ARMC9: variants seen among roughly 807,000 people sequenced by gnomAD.
ARMC9 encodes the protein armadillo repeat containing 9, also known as lisH domain-containing protein ARMC9.
ARMC9 carries 94 observed loss-of-function variants against 107.0 expected under a neutral mutation model. That is an observed-to-expected ratio of 0.88 (90% confidence interval 0.74 to 1.04). The LOEUF is 1.04. Among genes scored for constraint, ARMC9 ranks in the 50% least tolerant of loss-of-function variants. The pLI is 0.00. For missense variants in ARMC9, 942 were observed against 1,030.1 expected, an observed-to-expected ratio of 0.91 and a Z score of 1.17; for synonymous variants, 380 against 396.9, an observed-to-expected ratio of 0.96 and a Z score of 0.51.
At chr2:231,330,559 TG>T (rs1334441956) in intron 19 of ARMC9, among the ~76,000 whole-genome samples, 1 of 152,068 alleles carries the variant, frequency 6.6e-6, no homozygotes, top group East Asian at 1.9e-4. Flanking sequence ...CATTGTGGGG[TG>T]GGGGCCTCCT....
Position 231,276,773 on chromosome 2 carries a change from C to T in ARMC9, c.1472C>T (p.Thr491Ile). Residue 491 changes from threonine to isoleucine, a missense_variant and splice_region_variant, in exon 15 of 25, where the codon ACA becomes ATA. Transcript: ENST00000611582. ...ALLMNLCLRSTGKNMCAKVAG... is the reference protein window; with the variant it reads ...ALLMNLCLRSIGKNMCAKVAG... ...CTCATGAACCTCTGCCTCCGCAGCA[C>T]AGGTCTCAGCCCCGACCCTCATTCT... The T allele has an allele frequency of 1.2e-6, 2 of 1,614,068 alleles. No individual in the cohort carries two copies. Among genetic ancestry groups the T allele is most frequent in the Non-Finnish European group, 1.7e-6 (2 of 1,180,010 alleles).
At position 231,273,121 on chromosome 2, in the gene ARMC9, G is replaced by A. The variant is rs776656961; in HGVS notation, c.1334+43G>A. 7.6e-6 allele frequency: 12 copies of A among 1,581,244 alleles called. No homozygotes were observed. In the Admixed American group the frequency reaches 1.8e-4, roughly 24 times the overall value. ...GGTCACGGTGTCTCCTGTGAGATCA[G>A]ATTGAGTTAAAATTCCCATGGCAAC... On this transcript the variant is annotated intron_variant, in intron 14 of 24. Coordinates refer to ENST00000611582, the MANE Select transcript of ARMC9 (RefSeq NM_001352754.2).
chr2:231,235,526 T>C, intron 8 of ARMC9, 145 bp downstream of exon 8: 9 of 911,340 alleles, frequency 9.9e-6, no homozygotes, highest in Non-Finnish European at 1.4e-5. Context: ...AAAGCCAACA[T>C]GCATGAAGGA....
chr2:231,329,595 C>T (rs965092311), intron 19 of ARMC9, among the ~76,000 whole-genome samples: 1 of 152,250 alleles, frequency 6.6e-6, no homozygotes, highest in African/African-American at 2.4e-5. Context: ...AGGTGTGAGC[C>T]ACCGCGCCCG....
At chr2:231,337,108 T>A (rs2044144490) in intron 20 of ARMC9, among the ~76,000 whole-genome samples, 2 of 151,908 alleles carry the variant, frequency 1.3e-5, no homozygotes, top group South Asian at 4.2e-4. Context: ...TTCCAAATAT[T>A]ACTTTTCGGG....
At position 231,358,802 on chromosome 2, in the gene ARMC9, A is replaced by G. The variant is rs1004381331; in HGVS notation, c.2132-1952A>G. Reference sequence around the variant, plus strand: ...TAGGCAAAAGACAGCCCCAAATGCCAACAGGAAATAGTTCCCAAGGGAAAA... The same window carrying G: ...TAGGCAAAAGACAGCCCCAAATGCCGACAGGAAATAGTTCCCAAGGGAAAA... On this transcript the variant is annotated intron_variant, in intron 22 of 24. Coordinates refer to ENST00000611582, the MANE Select transcript of ARMC9 (RefSeq NM_001352754.2). This position sits in a 1 kb window ranked among gnomAD's most constrained non-coding sequence, Gnocchi z 4.5. Among the ~76,000 whole-genome samples, 12 of 152,220 alleles carry G rather than the reference A, an allele frequency of 7.9e-5. No individual in the cohort carries two copies. The highest frequency in any genetic ancestry group is 1.5e-5 in the Non-Finnish European group (1 of 68,046).
chr2:231,228,347 G>A (rs2034860278), intron 7 of ARMC9, among the ~76,000 whole-genome samples: 1 of 152,248 alleles, frequency 6.6e-6, no homozygotes, highest in Non-Finnish European at 1.5e-5. Context: ...CCCTCAGCGT[G>A]TCTCTCAGGT....
chr2:231,342,726 A>G (rs926589535), intron 20 of ARMC9, among the ~76,000 whole-genome samples: 3 of 152,050 alleles, frequency 2.0e-5, no homozygotes, highest in African/African-American at 7.2e-5. Flanking sequence ...TTGCAGTGAA[A>G]ATATCCTGCC....
intron 5 of ARMC9, among the ~76,000 whole-genome samples, chr2:231,217,865 G>C (rs552214743): frequency 6.6e-6 from 1 of 152,108 alleles, no homozygotes; most frequent in Non-Finnish European, 1.5e-5. Flanking sequence ...GCTAATTGTT[G>C]TATTTTTAGT....
intron 9 of ARMC9, among the ~76,000 whole-genome samples, chr2:231,247,872 A>C (rs571981616): frequency 1.3e-5 from 2 of 152,354 alleles, no homozygotes; most frequent in East Asian, 3.9e-4. Context: ...CAGAGGTTGC[A>C]GTGAACTGAG....
chr2:231,360,651 T>A lies in ARMC9; in HGVS notation c.2132-103T>A, dbSNP rs2045531647. On this transcript the variant is annotated intron_variant, in intron 22 of 24. Coordinates refer to ENST00000611582, the MANE Select transcript of ARMC9 (RefSeq NM_001352754.2). The surrounding 1 kb of genome is among the most constrained non-coding windows in gnomAD (Gnocchi z 4.7). ...GCCAGGGAGCCCGCAGGGCCTGGCC[T>A]GGGGTGCGTGCTTTTCTTGGCTTTC... 3 of 1,516,128 alleles carry A rather than the reference T, an allele frequency of 2.0e-6. No homozygotes were observed. The highest frequency in any genetic ancestry group is 2.7e-6 in the Non-Finnish European group (3 of 1,129,578). The allele number at this position is 1,516,128 out of a possible 1,614,324, so 93.9% of individuals were successfully genotyped here. A position where few individuals can be genotyped will look rare whatever the true frequency, so the allele number is the denominator to read the frequency against.
chr2:231,262,943 C>T (rs1170063276), intron 12 of ARMC9, among the ~76,000 whole-genome samples: 2 of 152,130 alleles, frequency 1.3e-5, no homozygotes, highest in Admixed American at 6.6e-5. Flanking sequence ...CAAGGAGCCG[C>T]GCCTGCCTCG....
chr2:231,226,675 A>G, intron 6 of ARMC9, 99 bp from the exon 7 acceptor site: 1 of 1,396,904 alleles, frequency 7.2e-7, no homozygotes, highest in Non-Finnish European at 1.0e-6. Context: ...ATTCTGTTTC[A>G]TCATGCTGAG....
intron 3 of ARMC9, among the ~76,000 whole-genome samples, chr2:231,211,142 A>G (rs2032791138): frequency 6.7e-6 from 1 of 150,202 alleles, no homozygotes. Flanking sequence ...ACACATACAC[A>G]CACACACACA....
chr2:231,229,874 C>T lies in ARMC9; in HGVS notation c.622+3076C>T, dbSNP rs561552052. Among the ~76,000 whole-genome samples, 14 of 151,988 alleles carry T rather than the reference C, an allele frequency of 9.2e-5. No individual in the cohort carries two copies. In the East Asian group the frequency reaches 2.7e-3, roughly 29 times the overall value. On this transcript the variant is annotated intron_variant, in intron 7 of 24. Coordinates refer to ENST00000611582, the MANE Select transcript of ARMC9 (RefSeq NM_001352754.2). ...GCAGCCAATTAAAATCTCATTTACC[C>T]TTTAAAAAAAAGTACAGTGCCCTAA...
chr2:231,287,090 C>G (rs938820719), intron 17 of ARMC9, among the ~76,000 whole-genome samples: 1 of 152,178 alleles, frequency 6.6e-6, no homozygotes, highest in African/African-American at 2.4e-5. Context: ...ATAAAAGCTC[C>G]CAGAATCTGG....
chr2:231,310,530 C>T (rs139241430), intron 19 of ARMC9, among the ~76,000 whole-genome samples: 4,754 of 150,216 alleles, frequency 0.032, 243 homozygotes, highest in African/African-American at 0.11. Context: ...CGGGAGTTCA[C>T]GACCAGCCTG....
chr2:231,331,404 G>A (rs1366439326), intron 19 of ARMC9, among the ~76,000 whole-genome samples: 1 of 152,108 alleles, frequency 6.6e-6, no homozygotes, highest in Admixed American at 6.6e-5. Flanking sequence ...GAGCAGACCT[G>A]TTCTAGAGTT....
chr2:231,329,776 T>G (rs2043596180), intron 19 of ARMC9, among the ~76,000 whole-genome samples: 1 of 152,210 alleles, frequency 6.6e-6, no homozygotes, highest in South Asian at 2.1e-4. Context: ...TTATATGTCT[T>G]TCTTATATCC....
Sources: allele counts gnomAD v4.1 joint callset (sites outside exome capture counted in the v4.1 genomes callset), GRCh38; gene constraint gnomAD v4.1.1; non-coding constraint Gnocchi (gnomAD v3.1); transcripts MANE v1.5; gene names NCBI Gene and HGNC (gene_info 2026-07-23, HGNC 2026-07-21).